Variants in VWDE observed in about 807,000 individuals in gnomAD.
VWDE encodes von Willebrand factor D and EGF domain-containing protein.
VWDE carries 207 observed loss-of-function variants against 178.4 expected under a neutral mutation model. The observed-to-expected ratio is 1.16, with a 90% CI of 1.04 to 1.30. The LOEUF (loss-of-function observed/expected upper bound fraction) is 1.30, where lower values mean the gene tolerates loss of function less well. Ranked by LOEUF, VWDE falls within the 50% of genes most tolerant of loss-of-function variation. The pLI is 0.00. For missense variants in VWDE, 2,287 were observed against 1,901.3 expected (o/e 1.20, Z -3.77); for synonymous variants, 738 against 651.4 (o/e 1.13, Z -2.02).
intron 17 of VWDE, 39 bp downstream of exon 17, chr7:12,357,226 A>C (rs1782296937): frequency 6.5e-7 from 1 of 1,534,618 alleles, no homozygotes; most frequent in East Asian, 2.5e-5. Context: ...TTAAAATTGC[A>C]AAAGAATCCA....
intron 1 of VWDE, among the ~76,000 whole-genome samples, chr7:12,400,678 A>G (rs1421742833): frequency 1.3e-5 from 2 of 149,414 alleles, no homozygotes; most frequent in Non-Finnish European, 3.0e-5. Context: ...AAGAAGATGG[A>G]ACACTTTCCA....
intron 26 of VWDE, 38 bp downstream of exon 26, chr7:12,336,950 G>C: frequency 6.7e-7 from 1 of 1,501,568 alleles, no homozygotes; most frequent in Non-Finnish European, 9.0e-7. Context: ...TTCCCATGAA[G>C]GACGAAAGCT....
In VWDE at chr7:12,403,844, G is replaced by GACGC; in HGVS notation, c.-129_-128insGCGT. 2 of 1,003,214 alleles carry GACGC rather than the reference G, an allele frequency of 2.0e-6. No individual in the cohort carries two copies. Among genetic ancestry groups the GACGC allele is most frequent in the Non-Finnish European group, 2.9e-6 (2 of 679,126 alleles). The allele number at this position is 1,003,214 out of a possible 1,614,324, so 62.1% of individuals were successfully genotyped here. A position where few individuals can be genotyped will look rare whatever the true frequency, so the allele number is the denominator to read the frequency against. ...CTCAGTCTGTTGCTGCTTGGAACAG[G>GACGC]GAAGCTCCGCGTCCTCGTTCTGGGG... On this transcript the variant is annotated 5_prime_UTR_variant, in exon 1 of 29. Coordinates refer to ENST00000275358, the MANE Select transcript of VWDE (RefSeq NM_001135924.3).
At position 12,377,910 on chromosome 7, in the gene VWDE, T is replaced by C; in HGVS notation, c.890A>G (p.Glu297Gly). 1.4e-6 allele frequency: 2 copies of C among 1,447,258 alleles called. No individual in the cohort carries two copies. Among genetic ancestry groups the C allele is most frequent in the South Asian group, 1.6e-5 (1 of 61,780 alleles). 89.7% of individuals were successfully genotyped at this position (1,447,258 alleles called of 1,614,324 possible). ...EFFAGFKLQP[E>G]LSTISEDGKE... The stretch of plus-strand genomic sequence containing the variant: ...CCCATCCTCTGATATAGTGCTCAAT[T>C]CAGGCTGTAGCTGGTATAAGAAAAT... The change falls in exon 7 of 29, where the codon GAA (glutamate) becomes GGA (glycine). Residue 297 changes from glutamate to glycine, a missense_variant. Coordinates refer to ENST00000275358, the MANE Select transcript of VWDE (RefSeq NM_001135924.3).
chr7:12,388,792 G>T, intron 3 of VWDE: 1 of 392,124 alleles, frequency 2.6e-6, no homozygotes, highest in African/African-American at 2.1e-5. Flanking sequence ...ATATTTTTAT[G>T]ATAACTTTTA....
intron 18 of VWDE, 82 bp downstream of exon 18, chr7:12,356,029 C>G: frequency 9.4e-7 from 1 of 1,063,884 alleles, no homozygotes. Context: ...ATCTTTAGGA[C>G]CACACATTTG....
intron 1 of VWDE, 69 bp downstream of exon 1, chr7:12,403,590 T>A: frequency 6.9e-7 from 1 of 1,451,106 alleles, no homozygotes; most frequent in Non-Finnish European, 9.2e-7. Context: ...CCAAAAAGTC[T>A]AGCCTAGTCC....
chr7:12,350,323 A>G (rs975800477), intron 19 of VWDE, among the ~76,000 whole-genome samples: 2 of 152,240 alleles, frequency 1.3e-5, no homozygotes, highest in East Asian at 1.9e-4. Flanking sequence ...TATAATATGC[A>G]TTAATTACTG....
At chr7:12,337,148 G>A in intron 25 of VWDE, 29 bp downstream of exon 25, 1 of 1,550,694 alleles carries the variant, frequency 6.4e-7, no homozygotes, top group Non-Finnish European at 8.7e-7. Context: ...TTTAGCTGTA[G>A]TTGACAAATA....
chr7:12,335,236 T>A lies in VWDE; in HGVS notation c.4654+905A>T, dbSNP rs529106150. On this transcript the variant is annotated intron_variant, in intron 27 of 28. Transcript: ENST00000275358. ...TGGAAATATTTTGAGGGATTTGCAG[T>A]TTTTCCCATTAAGTTAATCATTGTT... Among the ~76,000 whole-genome samples the A allele has an allele frequency of 5.3e-5, 8 of 152,302 alleles. No individual in the cohort carries two copies. The South Asian group carries it at 1.7e-3, about 32-fold the overall frequency.
At chr7:12,384,291 G>A (rs1170920901) in intron 3 of VWDE, among the ~76,000 whole-genome samples, 1 of 151,980 alleles carries the variant, frequency 6.6e-6, no homozygotes, top group Non-Finnish European at 1.5e-5. Context: ...TGAAATCTAG[G>A]AAAAAACAAC....
At position 12,380,469 on chromosome 7, in the gene VWDE, A is replaced by T. The variant is rs760946692; in HGVS notation, c.789+17T>A. The T allele has an allele frequency of 3.9e-6, 6 of 1,538,870 alleles. No individual in the cohort carries two copies. The highest frequency in any genetic ancestry group is 5.3e-6 in the Non-Finnish European group (6 of 1,141,498). On this transcript the variant is annotated intron_variant, in intron 5 of 28. Coordinates refer to ENST00000275358, the MANE Select transcript of VWDE (RefSeq NM_001135924.3). ...AATACATTCATGAAAATAAAATGCA[A>T]CTGTTTTTTAACATACCCTGTCTCC...
At chr7:12,367,840 C>T (rs558539156) in intron 12 of VWDE, among the ~76,000 whole-genome samples, 1 of 152,124 alleles carries the variant, frequency 6.6e-6, no homozygotes, top group African/African-American at 2.4e-5. Flanking sequence ...TGCCATATAG[C>T]TGGGTTATAG....
intron 11 of VWDE, 21 bp from the exon 12 acceptor site, chr7:12,370,530 A>C (rs1415690606): frequency 6.5e-7 from 1 of 1,531,486 alleles, no homozygotes; most frequent in Admixed American, 2.0e-5. Flanking sequence ...GAAAACAGGA[A>C]AGAATAGTAA....
intron 27 of VWDE, 184 bp from the exon 28 acceptor site, chr7:12,333,752 C>CA: frequency 7.5e-6 from 3 of 400,872 alleles, no homozygotes; most frequent in Non-Finnish European, 8.9e-6. Context: ...ACGCACACAT[C>CA]AAAAACAAAG....
chr7:12,391,154 A>G (rs1784371842), intron 2 of VWDE, among the ~76,000 whole-genome samples: 1 of 152,224 alleles, frequency 6.6e-6, no homozygotes, highest in Non-Finnish European at 1.5e-5. Flanking sequence ...CGAAATATAA[A>G]TAAGATAAAA....
chr7:12,354,944 T>C (rs1782144518), intron 18 of VWDE, among the ~76,000 whole-genome samples: 1 of 152,222 alleles, frequency 6.6e-6, no homozygotes, highest in Non-Finnish European at 1.5e-5. Context: ...TCAAAGTTTT[T>C]GAGTTGATGT....
chr7:12,369,486 A>G, intron 12 of VWDE, 59 bp downstream of exon 12: 1 of 1,457,776 alleles, frequency 6.9e-7, no homozygotes, highest in South Asian at 1.5e-5. Flanking sequence ...ATAAAGATCA[A>G]ACACATTTTT....
intron 5 of VWDE, 134 bp downstream of exon 5, chr7:12,380,352 A>G: frequency 8.0e-7 from 1 of 1,242,254 alleles, no homozygotes. Flanking sequence ...ATTGCAAGGA[A>G]AAAAAAACAA....
Sources: allele counts gnomAD v4.1 joint callset (sites outside exome capture counted in the v4.1 genomes callset), GRCh38; gene constraint gnomAD v4.1.1; transcripts MANE v1.5; gene names NCBI Gene and HGNC (gene_info 2026-07-23, HGNC 2026-07-21).